Variants in CCM2 observed in about 807,000 individuals in gnomAD.
The protein encoded by CCM2 is CCM2 scaffold protein, also known as cerebral cavernous malformations 2 protein.
In CCM2, 25 loss-of-function variants were observed where a neutral mutation model predicts 44.9. The observed-to-expected ratio is 0.56, with a 90% confidence interval of 0.41 to 0.78. The LOEUF (loss-of-function observed/expected upper bound fraction) is 0.78. Among genes scored for constraint, CCM2 ranks in the 30% least tolerant of loss-of-function variants. CCM2 has a pLI of 0.00. For synonymous variants in CCM2, 219 were observed against 241.1 expected (o/e 0.91, Z 0.85); for missense variants, 481 against 580.6 (o/e 0.83, Z 1.76).
At chr7:45,054,564 C>T (rs1316940428) in intron 2 of CCM2, among the ~76,000 whole-genome samples, 1 of 152,140 alleles carries the variant, frequency 6.6e-6, no homozygotes, top group Non-Finnish European at 1.5e-5. Context: ...CCCTACCCCA[C>T]CCCCTAGACA....
chr7:45,066,708 C>T (rs936009046), intron 4 of CCM2, among the ~76,000 whole-genome samples: 2 of 152,032 alleles, frequency 1.3e-5, no homozygotes, highest in Non-Finnish European at 2.9e-5. Flanking sequence ...CCCGTGCACC[C>T]GTGGTAGCAC....
rs765548101 is a variant in CCM2 at position 45,064,528 on chromosome 7, C to T, written c.354C>T (p.Tyr118=). 14 of 1,613,992 alleles carry T rather than the reference C, an allele frequency of 8.7e-6. No homozygotes were observed. The highest frequency in any genetic ancestry group is 1.1e-5 in the Non-Finnish European group (13 of 1,179,982). ...EHDAVLSLSA[Y]NVKLAWRDGE... ...ATGCTGTGCTCAGCCTGTCTGCGTACAACGTCAAGCTGGCCTGGAGGGACG... is the reference window on the plus strand; with the variant it reads ...ATGCTGTGCTCAGCCTGTCTGCGTATAACGTCAAGCTGGCCTGGAGGGACG... Residue 118 remains tyrosine, a synonymous_variant, in exon 4 of 10, where the codon TAC becomes TAT. Transcript: ENST00000258781.
intron 2 of CCM2, among the ~76,000 whole-genome samples, chr7:45,046,187 AT>A (rs532423980): frequency 3.3e-5 from 5 of 152,272 alleles, no homozygotes; most frequent in African/African-American, 1.2e-4. Context: ...TTCAGCAAGA[AT>A]TTTTTGTAGA....
rs1447843130 is a variant in CCM2 at position 45,064,663 on chromosome 7, G to A, written c.472+17G>A. The A allele has an allele frequency of 1.2e-6, 2 of 1,613,374 alleles. No individual in the cohort carries two copies. Among genetic ancestry groups the A allele is most frequent in the East Asian group, 2.2e-5 (1 of 44,878 alleles). ...TGAAGACAGGTACAGGAGGTCAGGG[G>A]TCAGGAGGGTCCTTGTCCTAAGGAG... On this transcript the variant is annotated intron_variant, in intron 4 of 9. Coordinates refer to ENST00000258781, the MANE Select transcript of CCM2 (RefSeq NM_031443.4).
chr7:45,042,053 A>G (rs933458215), intron 2 of CCM2, among the ~76,000 whole-genome samples: 4 of 152,150 alleles, frequency 2.6e-5, no homozygotes, highest in Admixed American at 2.0e-4. Context: ...AGGCGGACGG[A>G]TCACGAGGTC....
At chr7:45,074,210 C>G in intron 8 of CCM2, 60 bp from the exon 9 acceptor site, 2 of 1,609,950 alleles carry the variant, frequency 1.2e-6, no homozygotes, top group Non-Finnish European at 1.7e-6. Context: ...GCAAGGTGGG[C>G]CCGACTGCCG....
chr7:45,060,413 T>C (rs1234912340), intron 2 of CCM2, among the ~76,000 whole-genome samples: 1 of 152,240 alleles, frequency 6.6e-6, no homozygotes, highest in Non-Finnish European at 1.5e-5. Flanking sequence ...TTGATGTGAT[T>C]TGCCTCAGTG....
Position 45,054,964 on chromosome 7 carries a change from A to G in CCM2, c.205-8954A>G, listed in dbSNP as rs189207638. On this transcript the variant is annotated intron_variant, in intron 2 of 9. Transcript: ENST00000258781. ...AGGATTAGAGCTGTACTTTTTCTTT[A>G]TTGACAAAAGTTGTTTTCCTACTAT... Among the ~76,000 whole-genome samples the G allele has an allele frequency of 1.9e-3, 286 of 152,294 alleles. 1 individual carries two copies. The highest frequency in any genetic ancestry group is 6.1e-3 in the African/African-American group (253 of 41,572).
At chr7:45,034,874 G>A (rs1797143738) in intron 1 of CCM2, among the ~76,000 whole-genome samples, 1 of 151,724 alleles carries the variant, frequency 6.6e-6, no homozygotes, top group Non-Finnish European at 1.5e-5. Context: ...GTCTCACTCT[G>A]TTGCCCAGGC....
At chr7:45,032,197 T>G (rs1329473455) in intron 1 of CCM2, among the ~76,000 whole-genome samples, 1 of 152,124 alleles carries the variant, frequency 6.6e-6, no homozygotes, top group Non-Finnish European at 1.5e-5. Context: ...TAAAATTATT[T>G]GAGACATTAA....
intron 1 of CCM2, among the ~76,000 whole-genome samples, chr7:45,003,728 C>CA (rs59817510): frequency 6.6e-4 from 92 of 139,794 alleles, no homozygotes; most frequent in African/African-American, 7.9e-4. Context: ...ACTCCATCTC[C>CA]AAAAAAAAAA....
At chr7:45,032,978 T>C (rs1797037072) in intron 1 of CCM2, among the ~76,000 whole-genome samples, 1 of 134,642 alleles carries the variant, frequency 7.4e-6, no homozygotes, top group Non-Finnish European at 1.5e-5. Flanking sequence ...GAGGCAGAAG[T>C]TAAGTGAACC....
At chr7:45,017,767 A>G (rs1459212308) in intron 1 of CCM2, among the ~76,000 whole-genome samples, 1 of 152,174 alleles carries the variant, frequency 6.6e-6, no homozygotes, top group Admixed American at 6.5e-5. Flanking sequence ...GAATATAATG[A>G]GGTGCGTCCC....
chr7:45,053,637 G>C (rs1280193540), intron 2 of CCM2, among the ~76,000 whole-genome samples: 1 of 152,180 alleles, frequency 6.6e-6, no homozygotes, highest in Non-Finnish European at 1.5e-5. Context: ...TGCTAGGGAA[G>C]GTCTTATTAC....
intron 2 of CCM2, among the ~76,000 whole-genome samples, chr7:45,054,368 C>T (rs1319837083): frequency 6.6e-6 from 1 of 152,094 alleles, no homozygotes; most frequent in Non-Finnish European, 1.5e-5. Context: ...CCAGCTATCC[C>T]CATCCCAAAT....
chr7:45,007,625 C>CATAG (rs1460400000), intron 1 of CCM2, among the ~76,000 whole-genome samples: 2 of 152,006 alleles, frequency 1.3e-5, no homozygotes, highest in East Asian at 3.8e-4. Context: ...GGCATTTGAC[C>CATAG]ATAGGCATTA....
chr7:45,013,342 A>C (rs1279453938), intron 1 of CCM2, among the ~76,000 whole-genome samples: 2 of 151,868 alleles, frequency 1.3e-5, no homozygotes, highest in Non-Finnish European at 1.5e-5. Context: ...TCGACTTTTC[A>C]CCTTTTTATA....
rs761324400 is a variant in CCM2 at position 45,076,117 on chromosome 7, A to AGGAGCTGCCC, written c.*61_*70dup. 27 of 1,606,166 alleles carry AGGAGCTGCCC rather than the reference A, an allele frequency of 1.7e-5. No individual in the cohort carries two copies. The highest frequency in any genetic ancestry group is 2.3e-5 in the Non-Finnish European group (27 of 1,178,360). Reference sequence around the variant, plus strand: ...CGCAGTCGTCATAGGCCTTCCCAGAAGGAGCTGCCCAGACCTGCGTGTCAG... The same window carrying AGGAGCTGCCC: ...CGCAGTCGTCATAGGCCTTCCCAGAAGGAGCTGCCCGGAGCTGCCCAGACCTGCGTGTCAG... On this transcript the variant is annotated 3_prime_UTR_variant, in exon 10 of 10. Coordinates refer to ENST00000258781, the MANE Select transcript of CCM2 (RefSeq NM_031443.4).
At chr7:45,025,948 C>G (rs562241415) in intron 1 of CCM2, among the ~76,000 whole-genome samples, 92 of 152,300 alleles carry the variant, frequency 6.0e-4, no homozygotes, top group African/African-American at 2.2e-3. Flanking sequence ...CCCATTTGTT[C>G]TTTGGCTTTT....
Sources: gnomAD v4.1 joint callset for allele counts (sites outside exome capture counted in the v4.1 genomes callset) on GRCh38, gnomAD v4.1.1 for gene constraint, MANE v1.5 for transcripts, NCBI Gene and HGNC (gene_info 2026-07-23, HGNC 2026-07-21) for gene names.